Variants in WDR3 observed in about 807,000 individuals in gnomAD.
WDR3 encodes the protein WD repeat domain 3.
A neutral mutation model predicts 123.7 loss-of-function variants in WDR3; 81 were observed. That is an observed-to-expected ratio of 0.65 (90% CI 0.55 to 0.79). The LOEUF is 0.79. WDR3 is among the 30% of genes least tolerant of loss of function. WDR3 has a pLI of 0.00. For missense variants in WDR3, 1,027 were observed against 1,123.2 expected, an observed-to-expected ratio of 0.91 and a Z score of 1.22; for synonymous variants, 390 against 388.8, an observed-to-expected ratio of 1.00 and a Z score of -0.04.
chr1:117,941,812 G>A lies in WDR3; in HGVS notation c.954G>A (p.Met318Ile), dbSNP rs1651183294. 6.2e-7 allele frequency: 1 copy of A among 1,609,562 alleles called. No homozygotes were observed. The highest frequency in any genetic ancestry group is 8.5e-7 in the Non-Finnish European group (1 of 1,178,986). ...ILSKKEIQKK[M>I]DKKMKKARKK... ...CCAAAAAGGAAATTCAGAAGAAAATGGATAAGAAGATGAAGAAAGCTAGAA... is the reference window on the plus strand; with the variant it reads ...CCAAAAAGGAAATTCAGAAGAAAATAGATAAGAAGATGAAGAAAGCTAGAA... The change falls in exon 9 of 27, where the codon ATG becomes ATA. Residue 318 changes from methionine to isoleucine, a missense_variant. Physicochemically the swap from Met to Ile is conservative, Grantham distance 10. Transcript: ENST00000349139.
intron 12 of WDR3, among the ~76,000 whole-genome samples, chr1:117,947,862 A>G (rs1240388596): frequency 6.6e-6 from 1 of 152,128 alleles, no homozygotes; most frequent in Non-Finnish European, 1.5e-5. Context: ...GGAATTTTAG[A>G]GTGATTGCTT....
In WDR3 at chr1:117,952,134, T is replaced by C; in HGVS notation, c.1904+58T>C. The C allele has an allele frequency of 1.9e-6, 3 of 1,563,988 alleles. No individual in the cohort carries two copies. The South Asian group carries it at 3.4e-5, about 18-fold the overall frequency. On this transcript the variant is annotated intron_variant, in intron 17 of 26. Transcript: ENST00000349139. The stretch of plus-strand genomic sequence containing the variant: ...AGTCACCTGTAAGTTATCACTTTCC[T>C]TGAGCATCTGTGTCTATTTTTCAGT...
At chr1:117,931,419 T>C (rs988431757) in intron 1 of WDR3, among the ~76,000 whole-genome samples, 50 of 152,344 alleles carry the variant, frequency 3.3e-4, no homozygotes, top group African/African-American at 1.1e-3. Flanking sequence ...ATTCAAAGGT[T>C]ATTAAATGGT....
At position 117,960,679 on chromosome 1, in the gene WDR3, G is replaced by A. The variant is rs1557834976; in HGVS notation, c.*1232G>A. On this transcript the variant is annotated 3_prime_UTR_variant, in exon 27 of 27. Transcript: ENST00000349139. ...TTGAGCTCACTGCATAGCAACAGGA[G>A]GTGGCTGTGAAATTATTTCAGTAAC... The A allele has an allele frequency of 6.6e-6, 1 of 152,204 alleles. No individual in the cohort carries two copies. Among genetic ancestry groups the A allele is most frequent in the African/African-American group, 2.4e-5 (1 of 41,436 alleles). The allele number at this position is 152,204 out of a possible 1,614,324, so 9.4% of individuals were successfully genotyped here.
chr1:117,962,621 C>T lies in WDR3; in HGVS notation c.*3174C>T, dbSNP rs1315189772. ...GGCTTATTTTTAAAAATGTATATATCCATCCACTTAGAGAAAATATGCTTA... is the reference window on the plus strand; with the variant it reads ...GGCTTATTTTTAAAAATGTATATATTCATCCACTTAGAGAAAATATGCTTA... On this transcript the variant is annotated 3_prime_UTR_variant, in exon 27 of 27. Transcript: ENST00000349139. 6.6e-6 allele frequency: 1 copy of T among 151,448 alleles called. No homozygotes were observed. The highest frequency in any genetic ancestry group is 6.6e-5 in the Admixed American group (1 of 15,182). The allele number at this position is 151,448 out of a possible 1,614,324, so 9.4% of individuals were successfully genotyped here. A position where few individuals can be genotyped will look rare whatever the true frequency, so the allele number is the denominator to read the frequency against.
chr1:117,950,767 A>G (rs1651580222), intron 15 of WDR3, 67 bp from the exon 16 acceptor site: 1 of 1,292,998 alleles, frequency 7.7e-7, no homozygotes, highest in Non-Finnish European at 1.1e-6. Context: ...TATATTTTAG[A>G]CCTACATGTA....
intron 3 of WDR3, among the ~76,000 whole-genome samples, chr1:117,935,634 T>C (rs1650917850): frequency 6.6e-6 from 1 of 151,970 alleles, no homozygotes; most frequent in African/African-American, 2.4e-5. Flanking sequence ...AATTAAAGCT[T>C]TACCTCATGC....
chr1:117,939,652 C>A, intron 6 of WDR3, 80 bp downstream of exon 6: 1 of 1,332,024 alleles, frequency 7.5e-7, no homozygotes, highest in Non-Finnish European at 1.1e-6. Context: ...TGTAATTATT[C>A]AGTACTTCAC....
chr1:117,934,507 C>T lies in WDR3; in HGVS notation c.206C>T (p.Thr69Ile), dbSNP rs746258069. The change falls in exon 3 of 27, where the codon ACT becomes ATT. Residue 69 changes from threonine to isoleucine, a missense_variant. Transcript: ENST00000349139. ...LILQGLKQEV[T>I]CLCPSPDGLH... ...CTTCAGGGGCTTAAACAAGAAGTTA[C>T]TTGCTTATGCCCCTCCCCAGATGGG... 1 of 1,614,118 alleles carries T rather than the reference C, an allele frequency of 6.2e-7. No individual in the cohort carries two copies. The highest frequency in any genetic ancestry group is 8.5e-7 in the Non-Finnish European group (1 of 1,180,002).
intron 25 of WDR3, among the ~76,000 whole-genome samples, chr1:117,957,465 A>G (rs1160722704): frequency 6.6e-6 from 1 of 152,224 alleles, no homozygotes; most frequent in Non-Finnish European, 1.5e-5. Flanking sequence ...TACATTGCTC[A>G]GGAATGCTTA....
In WDR3 at chr1:117,951,488, T is replaced by A. The variant is rs368319420; in HGVS notation, c.1804-488T>A. ...TGGTCAGTGCACTAACAAAGTTAAG[T>A]TACAATGTTAAATGTATTTCTTTTT... On this transcript the variant is annotated intron_variant, in intron 16 of 26. Coordinates refer to ENST00000349139, the MANE Select transcript of WDR3 (RefSeq NM_006784.3). Among the ~76,000 whole-genome samples the A allele has an allele frequency of 3.4e-4, 50 of 147,440 alleles. 2 individuals carry two copies. In the South Asian group the frequency reaches 6.6e-3, roughly 20 times the overall value.
In WDR3 at chr1:117,959,504, C is replaced by A; in HGVS notation, c.*57C>A. On this transcript the variant is annotated 3_prime_UTR_variant, in exon 27 of 27. Transcript: ENST00000349139. Reference sequence around the variant, plus strand: ...CTTTTTCCTTTAAAGGACTCCTAAACTAAGCACAGAAGAGTTGGCGTCATC... The same window carrying A: ...CTTTTTCCTTTAAAGGACTCCTAAAATAAGCACAGAAGAGTTGGCGTCATC... The A allele has an allele frequency of 1.3e-6, 2 of 1,492,022 alleles. No homozygotes were observed. The highest frequency in any genetic ancestry group is 1.8e-6 in the Non-Finnish European group (2 of 1,117,288). 92.4% of individuals were successfully genotyped at this position (1,492,022 alleles called of 1,614,324 possible).
At chr1:117,950,770 T>G in intron 15 of WDR3, 64 bp from the exon 16 acceptor site, 5 of 1,335,212 alleles carry the variant, frequency 3.7e-6, no homozygotes, top group Non-Finnish European at 5.3e-6. Flanking sequence ...ATTTTAGACC[T>G]ACATGTAATA....
In WDR3 at chr1:117,936,852, AT is replaced by A; in HGVS notation, c.467del (p.Leu156CysfsTer9). On this transcript the variant is annotated frameshift_variant, in exon 4 of 27. Coordinates refer to ENST00000349139, the MANE Select transcript of WDR3 (RefSeq NM_006784.3). LOFTEE classifies it high-confidence loss of function. ...GGCACAAGGATGCCATCACACAAGCATTGTTTCTACGAGAAAAGAACCTGCT... is the reference window on the plus strand; with the variant it reads ...GGCACAAGGATGCCATCACACAAGCATGTTTCTACGAGAAAAGAACCTGCT... ...KGHKDAITQA[L>X]FLREKNLLVT... 2 of 1,613,302 alleles carry A rather than the reference AT, an allele frequency of 1.2e-6. No individual in the cohort carries two copies. The highest frequency in any genetic ancestry group is 1.7e-6 in the Non-Finnish European group (2 of 1,179,450).
At chr1:117,939,339 AGG>A (rs1188834530) in intron 5 of WDR3, 136 bp from the exon 6 acceptor site, 2 of 777,002 alleles carry the variant, frequency 2.6e-6, no homozygotes, top group Non-Finnish European at 4.1e-6. Flanking sequence ...GCATTTTGAA[AGG>A]GTTGTCGATA....
intron 4 of WDR3, among the ~76,000 whole-genome samples, chr1:117,937,552 C>T (rs1650989832): frequency 6.6e-6 from 1 of 152,086 alleles, no homozygotes; most frequent in Non-Finnish European, 1.5e-5. Context: ...AAATTAGTGT[C>T]TTGTTCAGAT....
At position 117,946,161 on chromosome 1, in the gene WDR3, G is replaced by T. The variant is rs903580734; in HGVS notation, c.1404G>T (p.Gln468His). 4 of 1,611,106 alleles carry T rather than the reference G, an allele frequency of 2.5e-6. No individual in the cohort carries two copies. Among genetic ancestry groups the T allele is most frequent in the Middle Eastern group, 3.3e-4 (2 of 6,072 alleles). ...LCSFFVPGDRQVVIGTKTGKL... is the reference protein window; with the variant it reads ...LCSFFVPGDRHVVIGTKTGKL... ...CATTCTTTGTACCTGGTGATAGACA[G>T]GTAGTCATAGGAACAAAGGTAAATG... The change falls in exon 12 of 27, where the codon CAG becomes CAT. Residue 468 changes from glutamine to histidine, a missense_variant. Gln to His is a conservative substitution (Grantham distance 24, BLOSUM62 0). Coordinates refer to ENST00000349139, the MANE Select transcript of WDR3 (RefSeq NM_006784.3).
Position 117,939,419 on chromosome 1 carries a change from T to C in WDR3, c.580-58T>C, listed in dbSNP as rs1211785869. 11 of 1,569,198 alleles carry C rather than the reference T, an allele frequency of 7.0e-6. No homozygotes were observed. The Admixed American group carries it at 1.8e-4, about 26-fold the overall frequency. The stretch of plus-strand genomic sequence containing the variant: ...TGTAACAGACTTTTGGAATGTCATA[T>C]TATGCTACCTGGAATCTCTTGAAAA... On this transcript the variant is annotated intron_variant, in intron 5 of 26. Coordinates refer to ENST00000349139, the MANE Select transcript of WDR3 (RefSeq NM_006784.3).
At position 117,934,224 on chromosome 1, in the gene WDR3, A is replaced by G. The variant is rs535248257; in HGVS notation, c.172-249A>G. Among the ~76,000 whole-genome samples, 77 of 152,326 alleles carry G rather than the reference A, an allele frequency of 5.1e-4. 4 individuals carry two copies. The South Asian group carries it at 7.2e-3, about 14-fold the overall frequency. On this transcript the variant is annotated intron_variant, in intron 2 of 26. Transcript: ENST00000349139. The stretch of plus-strand genomic sequence containing the variant: ...TTATTTTATTGCCTAGGGAGTTTTT[A>G]TATGTATTACAACAACGTAGGGCTT...
Sources: allele counts gnomAD v4.1 joint callset (sites outside exome capture counted in the v4.1 genomes callset), GRCh38; gene constraint gnomAD v4.1.1; transcripts MANE v1.5; gene names NCBI Gene and HGNC (gene_info 2026-07-23, HGNC 2026-07-21).